The following AGBL1 variants were observed in gnomAD, a reference collection of about 807,000 sequenced individuals.
AGBL1 encodes cytosolic carboxypeptidase 4.
Under a neutral mutation model 118.9 loss-of-function variants are expected in AGBL1, and 130 were observed. That is an observed-to-expected ratio of 1.09 (90% CI 0.95 to 1.26). The LOEUF (loss-of-function observed/expected upper bound fraction) is 1.26. AGBL1 is among the 50% of genes most tolerant of loss of function. The pLI is 0.00. For synonymous variants in AGBL1, 555 were observed against 478.9 expected, an observed-to-expected ratio of 1.16 and a Z score of -2.08; for missense variants, 1,584 against 1,298.1, an observed-to-expected ratio of 1.22 and a Z score of -3.38.
chr15:86,595,612 A>G (rs538210246), intron 21 of AGBL1, among the ~76,000 whole-genome samples: 75 of 152,230 alleles, frequency 4.9e-4, no homozygotes, highest in African/African-American at 1.8e-3. Flanking sequence ...TCTGAGTCTG[A>G]GGGACCATCA....
At chr15:86,399,251 G>A (rs532922448) in intron 18 of AGBL1, among the ~76,000 whole-genome samples, 1 of 152,258 alleles carries the variant, frequency 6.6e-6, no homozygotes, top group Non-Finnish European at 1.5e-5. Context: ...TCCTTTAATG[G>A]CAGAGAACAG....
intron 1 of AGBL1, among the ~76,000 whole-genome samples, chr15:86,101,794 ATATAG>A (rs1178466290): frequency 3.3e-5 from 5 of 151,930 alleles, no homozygotes; most frequent in Non-Finnish European, 7.4e-5. Context: ...AGTAGGCAGC[ATATAG>A]TTCAGTGTTT....
chr15:86,966,302 A>ATCCTCAT (rs2081052234), intron 23 of AGBL1, among the ~76,000 whole-genome samples: 1 of 149,852 alleles, frequency 6.7e-6, no homozygotes, highest in Admixed American at 6.6e-5. Context: ...TTTAACAGAA[A>ATCCTCAT]TCCTCATTCT....
chr15:86,910,238 C>G lies in AGBL1; in HGVS notation c.*2944C>G, dbSNP rs1433365316. ...CAAGTATAAAGGGAGAAAAGACATG[C>G]GAAGGAGTGGAAAGATTTTGTGCAA... is the stretch of plus-strand genomic sequence containing the variant. On this transcript the variant is annotated 3_prime_UTR_variant, in exon 23 of 23. Transcript: ENST00000614907. 2 of 152,008 alleles carry G rather than the reference C, an allele frequency of 1.3e-5. No homozygotes were observed. The highest frequency in any genetic ancestry group is 2.9e-5 in the Non-Finnish European group (2 of 68,004). 9.4% of individuals were successfully genotyped at this position (152,008 alleles called of 1,614,324 possible).
chr15:86,769,435 T>G (rs1200796877), intron 22 of AGBL1, among the ~76,000 whole-genome samples: 1 of 152,000 alleles, frequency 6.6e-6, no homozygotes, highest in Admixed American at 6.6e-5. Flanking sequence ...AGACCCTGTG[T>G]AAACATGAGA....
At chr15:86,730,122 T>G (rs948012916) in intron 22 of AGBL1, among the ~76,000 whole-genome samples, 7 of 152,204 alleles carry the variant, frequency 4.6e-5, no homozygotes, top group South Asian at 2.1e-4. Context: ...ATACAAAAGT[T>G]AAATCAAGAT....
At chr15:86,399,948 G>A (rs894613310) in intron 18 of AGBL1, among the ~76,000 whole-genome samples, 2 of 152,154 alleles carry the variant, frequency 1.3e-5, no homozygotes, top group African/African-American at 4.8e-5. Flanking sequence ...TTGGCTGAAA[G>A]GGACTTGGAA....
At chr15:86,093,032 C>G (rs1896136623) in intron 1 of AGBL1, among the ~76,000 whole-genome samples, 1 of 152,066 alleles carries the variant, frequency 6.6e-6, no homozygotes, top group Admixed American at 6.6e-5. Flanking sequence ...TGGAAGGTGC[C>G]TGGGAAGGTT....
At chr15:86,388,836 A>G (rs907594402) in intron 17 of AGBL1, among the ~76,000 whole-genome samples, 2 of 152,170 alleles carry the variant, frequency 1.3e-5, no homozygotes, top group African/African-American at 4.8e-5. Flanking sequence ...TACTCTCAAT[A>G]CCAAAGGAAT....
At chr15:86,523,270 T>C (rs1400690801) in intron 19 of AGBL1, among the ~76,000 whole-genome samples, 2 of 152,204 alleles carry the variant, frequency 1.3e-5, no homozygotes, top group Non-Finnish European at 2.9e-5. Flanking sequence ...TAGCAATCTT[T>C]AGCATTCCTG....
chr15:86,422,279 C>G (rs117181524), intron 18 of AGBL1, among the ~76,000 whole-genome samples: 1 of 152,118 alleles, frequency 6.6e-6, no homozygotes, highest in Admixed American at 6.6e-5. Flanking sequence ...AATTAGATCT[C>G]GGGATTAAGA....
At chr15:86,460,026 G>T (rs1160442656) in intron 18 of AGBL1, among the ~76,000 whole-genome samples, 1 of 152,030 alleles carries the variant, frequency 6.6e-6, no homozygotes, top group Non-Finnish European at 1.5e-5. Flanking sequence ...AGAGAGAATA[G>T]CTTGTAAATT....
At chr15:86,678,887 T>C (rs560775304) in intron 22 of AGBL1, among the ~76,000 whole-genome samples, 1 of 152,220 alleles carries the variant, frequency 6.6e-6, no homozygotes, top group South Asian at 2.1e-4. Context: ...GCCGGTTTAT[T>C]ATATAGTATA....
At chr15:86,671,334 A>G (rs1191832050) in intron 21 of AGBL1, among the ~76,000 whole-genome samples, 5 of 152,218 alleles carry the variant, frequency 3.3e-5, no homozygotes, top group Admixed American at 3.3e-4. Context: ...CATTGCTGAA[A>G]TAATGCCATG....
At chr15:86,455,793 G>T (rs1259998851) in intron 18 of AGBL1, among the ~76,000 whole-genome samples, 1 of 152,068 alleles carries the variant, frequency 6.6e-6, no homozygotes, top group Non-Finnish European at 1.5e-5. Context: ...CCATTTTATA[G>T]GTGAGTTCAT....
chr15:86,425,092 T>A (rs1170667395), intron 18 of AGBL1, among the ~76,000 whole-genome samples: 1 of 152,152 alleles, frequency 6.6e-6, no homozygotes, highest in Non-Finnish European at 1.5e-5. Context: ...CGTGCACACA[T>A]ATGTTTACTG....
Position 86,339,982 on chromosome 15 carries a change from T to C in AGBL1, c.2374+44574T>C, listed in dbSNP as rs190068715. Among the ~76,000 whole-genome samples, 11 of 152,164 alleles carry C rather than the reference T, an allele frequency of 7.2e-5. No individual in the cohort carries two copies. The East Asian group carries it at 1.9e-3, about 27-fold the overall frequency. ...TCCATCTCAAAAAAAAAAAAAAGTT[T>C]TTATTTCATCCTTCCTTATATATTC... is the stretch of plus-strand genomic sequence containing the variant. On this transcript the variant is annotated intron_variant, in intron 17 of 22. Coordinates refer to ENST00000614907, the MANE Select transcript of AGBL1 (RefSeq NM_001386094.1).
At chr15:86,355,760 G>A (rs2080703555) in intron 17 of AGBL1, among the ~76,000 whole-genome samples, 1 of 152,084 alleles carries the variant, frequency 6.6e-6, no homozygotes, top group African/African-American at 2.4e-5. Flanking sequence ...GGTGAAGGGG[G>A]GCATGAGGCT....
chr15:86,608,405 A>C (rs1353952295), intron 21 of AGBL1, among the ~76,000 whole-genome samples: 2 of 152,230 alleles, frequency 1.3e-5, no homozygotes, highest in Admixed American at 6.5e-5. Context: ...GGGGAATGCA[A>C]GAGCAAGCAA....
Sources: allele counts gnomAD v4.1 joint callset (sites outside exome capture counted in the v4.1 genomes callset), GRCh38; gene constraint gnomAD v4.1.1; transcripts MANE v1.5; gene names NCBI Gene and HGNC (gene_info 2026-07-23, HGNC 2026-07-21).